Variants in MAP3K20 observed in about 807,000 individuals in gnomAD.
MAP3K20 encodes the protein mitogen-activated protein kinase kinase kinase 20.
A neutral mutation model predicts 85.7 loss-of-function variants in MAP3K20; 40 were observed. The ratio of observed to expected loss-of-function variants is 0.47; its 90% CI spans 0.36 to 0.61. The LOEUF is 0.61. Among genes scored for constraint, MAP3K20 ranks in the 20% least tolerant of loss-of-function variants. The pLI is 0.00. For missense variants in MAP3K20, 817 were observed against 961.7 expected (o/e 0.85, Z 1.99); for synonymous variants, 325 against 327.7 (o/e 0.99, Z 0.09).
At chr2:173,256,478 AAAATAGATAGATAGATAGAT>A (rs1374121310) in intron 16 of MAP3K20, among the ~76,000 whole-genome samples, 1 of 143,894 alleles carries the variant, frequency 6.9e-6, no homozygotes, top group African/African-American at 2.7e-5. Flanking sequence ...GAAATTTAAA[AAAATAGATAGATAGATAGAT>A]AGATAGATAG....
At chr2:173,164,884 C>T (rs1011700851) in intron 2 of MAP3K20, among the ~76,000 whole-genome samples, 1 of 151,952 alleles carries the variant, frequency 6.6e-6, no homozygotes, top group East Asian at 1.9e-4. Flanking sequence ...ATAGAAATGC[C>T]GATAAAACAA....
At chr2:173,252,880 G>C (rs963989112) in intron 16 of MAP3K20, among the ~76,000 whole-genome samples, 1 of 152,178 alleles carries the variant, frequency 6.6e-6, no homozygotes, top group Non-Finnish European at 1.5e-5. Context: ...TAGTAGTGCT[G>C]AATCAGGATA....
chr2:173,266,135 T>C lies in MAP3K20; in HGVS notation c.1788T>C (p.Ile596=). ...TACAGCGTTCCCAGAGCAATCCTAT[T>C]CTGGGGTCACCGTTCTTCTCACACT... The part of the protein sequence containing the change: ...TSLQRSQSNP[I]LGSPFFSHFD... Residue 596 remains isoleucine (I), a synonymous_variant, in exon 20 of 20, where the codon ATT becomes ATC. Transcript: ENST00000375213. 6.2e-7 allele frequency: 1 copy of C among 1,613,620 alleles called. No individual in the cohort carries two copies. The highest frequency in any genetic ancestry group is 8.5e-7 in the Non-Finnish European group (1 of 1,179,844).
intron 17 of MAP3K20, among the ~76,000 whole-genome samples, chr2:173,260,090 G>C (rs186499649): frequency 6.6e-6 from 1 of 152,196 alleles, no homozygotes; most frequent in Admixed American, 6.5e-5. Context: ...GCCCAGGCTG[G>C]GTGCAGTGGC....
At chr2:173,132,356 C>T (rs968362900) in intron 2 of MAP3K20, among the ~76,000 whole-genome samples, 2 of 152,168 alleles carry the variant, frequency 1.3e-5, no homozygotes, top group South Asian at 2.1e-4. Context: ...CTTTCGTCTT[C>T]TCCTCCGGCT....
chr2:173,112,796 A>C (rs1688012556), intron 2 of MAP3K20, among the ~76,000 whole-genome samples: 1 of 149,680 alleles, frequency 6.7e-6, no homozygotes, highest in South Asian at 2.1e-4. Context: ...TCTTTTTGAT[A>C]TGTTGTTGGA....
intron 16 of MAP3K20, among the ~76,000 whole-genome samples, chr2:173,240,719 G>A (rs760272924): frequency 3.3e-5 from 5 of 152,110 alleles, no homozygotes; most frequent in Admixed American, 6.5e-5. Context: ...GAGAACCTTC[G>A]TACACTGTTG....
chr2:173,174,428 A>G (rs1690095284), intron 3 of MAP3K20, among the ~76,000 whole-genome samples: 1 of 151,844 alleles, frequency 6.6e-6, no homozygotes, highest in African/African-American at 2.4e-5. Context: ...TCATTGTTCA[A>G]CTCGCACTTA....
chr2:173,228,685 T>C (rs1046242843), intron 11 of MAP3K20, among the ~76,000 whole-genome samples: 2 of 152,180 alleles, frequency 1.3e-5, no homozygotes, highest in African/African-American at 4.8e-5. Context: ...AATTGAAAGC[T>C]CCTTGAAGGC....
intron 2 of MAP3K20, among the ~76,000 whole-genome samples, chr2:173,164,366 TG>T (rs772907694): frequency 2.6e-5 from 4 of 152,248 alleles, no homozygotes; most frequent in Non-Finnish European, 4.4e-5. Context: ...TTTTGAAAAG[TG>T]TCTATGCATG....
intron 2 of MAP3K20, among the ~76,000 whole-genome samples, chr2:173,164,874 A>G (rs1312903910): frequency 6.6e-6 from 1 of 152,304 alleles, no homozygotes; most frequent in African/African-American, 2.4e-5. Flanking sequence ...CTGTAAACTT[A>G]TAGAAATGCC....
At chr2:173,094,412 A>G (rs906503271) in intron 2 of MAP3K20, among the ~76,000 whole-genome samples, 3 of 152,238 alleles carry the variant, frequency 2.0e-5, no homozygotes, top group African/African-American at 7.2e-5. Context: ...AAATGTAACA[A>G]TGATAACAAT....
At chr2:173,174,932 A>T (rs1161304908) in intron 3 of MAP3K20, among the ~76,000 whole-genome samples, 1 of 152,178 alleles carries the variant, frequency 6.6e-6, no homozygotes, top group African/African-American at 2.4e-5. Context: ...AGGATTGTTG[A>T]ATATTTTAGT....
At chr2:173,232,962 T>C (rs1216119619) in intron 14 of MAP3K20, among the ~76,000 whole-genome samples, 1 of 151,982 alleles carries the variant, frequency 6.6e-6, no homozygotes, top group Non-Finnish European at 1.5e-5. Flanking sequence ...TTCCTCATAA[T>C]CCAAACAGCA....
chr2:173,086,138 G>T lies in MAP3K20; in HGVS notation c.-34-4860G>T, dbSNP rs138284114. Among the ~76,000 whole-genome samples the T allele has an allele frequency of 3.6e-4, 55 of 152,124 alleles. No individual in the cohort carries two copies. In the East Asian group the frequency reaches 0.01, roughly 28 times the overall value. On this transcript the variant is annotated intron_variant, in intron 1 of 19. Transcript: ENST00000375213. ...GCAGTGAGATGAAAACGTTGGATTT[G>T]ATTTGATATACCATGTAAATAAATT...
intron 10 of MAP3K20, among the ~76,000 whole-genome samples, chr2:173,214,068 C>CT (rs1683995821): frequency 6.6e-6 from 1 of 152,134 alleles, no homozygotes; most frequent in South Asian, 2.1e-4. Flanking sequence ...TGATTATTTT[C>CT]TGGCAGAGCT....
At chr2:173,091,263 G>C (rs1687290515) in intron 2 of MAP3K20, 73 bp downstream of exon 2, 1 of 1,514,354 alleles carries the variant, frequency 6.6e-7, no homozygotes, top group South Asian at 1.2e-5. Flanking sequence ...CGAGTTAGAG[G>C]GTCACAGGGC....
At chr2:173,213,715 C>T (rs570296838) in intron 10 of MAP3K20, among the ~76,000 whole-genome samples, 4 of 152,250 alleles carry the variant, frequency 2.6e-5, no homozygotes, top group Admixed American at 1.3e-4. Context: ...CTGTACAGTG[C>T]GGTTACTAGA....
chr2:173,242,699 C>CTTTTTTTTTTT (rs68173816), intron 16 of MAP3K20, among the ~76,000 whole-genome samples: 1 of 80,976 alleles, frequency 1.2e-5, no homozygotes, highest in Non-Finnish European at 2.2e-5. Flanking sequence ...AGTAATCTTT[C>CTTTTTTTTTTT]TTTTTTTTTT....
Sources: gnomAD v4.1 joint callset for allele counts (sites outside exome capture counted in the v4.1 genomes callset) on GRCh38, gnomAD v4.1.1 for gene constraint, MANE v1.5 for transcripts, NCBI Gene and HGNC (gene_info 2026-07-23, HGNC 2026-07-21) for gene names.